Variants in ANKRD12 observed in about 807,000 individuals in gnomAD.
ANKRD12 encodes the protein ankyrin repeat domain 12.
A neutral mutation model predicts 183.4 loss-of-function variants in ANKRD12; 85 were observed. That is an observed-to-expected ratio of 0.46 (90% CI 0.39 to 0.56). ANKRD12 has a LOEUF of 0.56. ANKRD12 is among the 20% of genes least tolerant of loss of function. ANKRD12 has a pLI of 0.00. For synonymous variants in ANKRD12, 914 were observed against 800.2 expected (o/e 1.14, Z -2.40); for missense variants, 2,405 against 2,357.1 (o/e 1.02, Z -0.42).
chr18:9,216,807 T>C lies in ANKRD12; in HGVS notation c.702T>C (p.Ala234=), dbSNP rs910488104. The change falls in exon 7 of 13, where the codon GCT becomes GCC. Residue 234 remains alanine, a synonymous_variant. Coordinates refer to ENST00000262126, the MANE Select transcript of ANKRD12 (RefSeq NM_015208.5). ...GCAATGTTGGATATTACGATGTTGC[T>C]AAGATACTTATAGCAGCTGGAGCAG... is the stretch of plus-strand genomic sequence containing the variant. ...EACNVGYYDV[A]KILIAAGADV... is the part of the protein sequence containing the mutation. 6.8e-6 allele frequency: 11 copies of C among 1,613,710 alleles called. No individual in the cohort carries two copies. The highest frequency in any genetic ancestry group is 9.3e-6 in the Non-Finnish European group (11 of 1,179,724).
At chr18:9,176,969 G>A (rs1028790109) in intron 1 of ANKRD12, among the ~76,000 whole-genome samples, 2 of 152,140 alleles carry the variant, frequency 1.3e-5, no homozygotes, top group African/African-American at 4.8e-5. Context: ...GTTGCTGTTC[G>A]ATACATAGAC....
In ANKRD12 at chr18:9,247,652, TC is replaced by T. The variant is rs533356389; in HGVS notation, c.944-6558del. On this transcript the variant is annotated intron_variant, in intron 8 of 12. Transcript: ENST00000262126. The stretch of plus-strand genomic sequence containing the variant: ...GTTAATATATCTTAGTATCTTTTAA[TC>T]TATAGATATTCCCCCTCCTTTCTTT... Among the ~76,000 whole-genome samples, 25 of 152,302 alleles carry T rather than the reference TC, an allele frequency of 1.6e-4. No homozygotes were observed. The South Asian group carries it at 5.2e-3, about 32-fold the overall frequency.
chr18:9,267,954 C>T (rs1054329121), intron 10 of ANKRD12, among the ~76,000 whole-genome samples: 8 of 152,144 alleles, frequency 5.3e-5, no homozygotes, highest in African/African-American at 1.9e-4. Flanking sequence ...CCACCCATCC[C>T]ACAGAAACAC....
In ANKRD12 at chr18:9,282,865, A is replaced by T. The variant is rs2040153219; in HGVS notation, c.*1739A>T. The T allele has an allele frequency of 6.6e-6, 1 of 152,470 alleles. No individual in the cohort carries two copies. Among genetic ancestry groups the T allele is most frequent in the African/African-American group, 2.4e-5 (1 of 41,428 alleles). 9.4% of individuals were successfully genotyped at this position (152,470 alleles called of 1,614,324 possible). A position where few individuals can be genotyped will look rare whatever the true frequency, so the allele number is the denominator to read the frequency against. Reference sequence around the variant, plus strand: ...CAATAAAGCAGCACATGTAAAAAAAAAATACACAGTGCAAGGACTTTATTA... The same window carrying T: ...CAATAAAGCAGCACATGTAAAAAAATAATACACAGTGCAAGGACTTTATTA... On this transcript the variant is annotated 3_prime_UTR_variant, in exon 13 of 13. Transcript: ENST00000262126.
At chr18:9,211,330 C>CT (rs1393501330) in intron 5 of ANKRD12, among the ~76,000 whole-genome samples, 1 of 152,072 alleles carries the variant, frequency 6.6e-6, no homozygotes, top group Non-Finnish European at 1.5e-5. Context: ...GTATTTGATA[C>CT]TTTATCATTT....
At chr18:9,235,664 G>T in intron 8 of ANKRD12, 1 of 456,216 alleles carries the variant, frequency 2.2e-6, no homozygotes. Flanking sequence ...TGCAGGAAAT[G>T]CCAAGCTCAG....
At chr18:9,217,582 T>G (rs2036182771) in intron 7 of ANKRD12, among the ~76,000 whole-genome samples, 1 of 152,194 alleles carries the variant, frequency 6.6e-6, no homozygotes, top group Non-Finnish European at 1.5e-5. Context: ...ATAAGGCATT[T>G]TTCCATGTTT....
chr18:9,175,523 CTTTTTTTTTTTTTTTTT>C (rs33944736), intron 1 of ANKRD12, among the ~76,000 whole-genome samples: 2 of 53,302 alleles, frequency 3.8e-5, no homozygotes, highest in Non-Finnish European at 3.2e-5. Context: ...AAAGGCTCCT[CTTTTTTTTTTTTTTTTT>C]TTTTTTTTTT....
At chr18:9,245,463 AAAAT>A (rs2037906579) in intron 8 of ANKRD12, among the ~76,000 whole-genome samples, 1 of 152,288 alleles carries the variant, frequency 6.6e-6, no homozygotes, top group Non-Finnish European at 1.5e-5. Flanking sequence ...CTGTCTCAAA[AAAAT>A]AAAAAGACCA....
In ANKRD12 at chr18:9,255,588, G is replaced by A; in HGVS notation, c.2321G>A (p.Arg774Lys). Residue 774 changes from arginine (R) to lysine (K), a missense_variant, in exon 9 of 13, where the codon AGA (arginine) becomes AAA (lysine). Arg to Lys is a conservative substitution (Grantham distance 26). Coordinates refer to ENST00000262126, the MANE Select transcript of ANKRD12 (RefSeq NM_015208.5). ...AAAATAAAAGATCTAAAAGAAGAGA[G>A]AGAAAACATACCCACAGATAAAGAC... is the stretch of plus-strand genomic sequence containing the variant. Reference protein sequence around the residue: ...EEKIKDLKEERENIPTDKDSE... With the variant: ...EEKIKDLKEEKENIPTDKDSE... The A allele has an allele frequency of 6.4e-7, 1 of 1,568,442 alleles. No homozygotes were observed. Among genetic ancestry groups the A allele is most frequent in the Non-Finnish European group, 8.6e-7 (1 of 1,167,990 alleles).
At chr18:9,265,940 C>A (rs1195001046) in intron 10 of ANKRD12, among the ~76,000 whole-genome samples, 4 of 152,146 alleles carry the variant, frequency 2.6e-5, no homozygotes, top group Non-Finnish European at 5.9e-5. Flanking sequence ...CCTGATGGAA[C>A]TGAAAACCAA....
intron 1 of ANKRD12, among the ~76,000 whole-genome samples, chr18:9,179,402 G>A (rs531661747): frequency 1.2e-3 from 185 of 152,286 alleles, no homozygotes; most frequent in African/African-American, 4.2e-3. Flanking sequence ...CTGGTTTGCT[G>A]AGAGTTGTTT....
intron 2 of ANKRD12, among the ~76,000 whole-genome samples, chr18:9,194,433 T>C (rs977091855): frequency 1.3e-5 from 2 of 152,220 alleles, no homozygotes; most frequent in East Asian, 1.9e-4. Flanking sequence ...CTCAGCTCAC[T>C]GAAGCCCCTG....
intron 3 of ANKRD12, among the ~76,000 whole-genome samples, 183 bp from the exon 4 acceptor site, chr18:9,204,293 A>G (rs140251903): frequency 5.6e-4 from 85 of 152,358 alleles, no homozygotes; most frequent in African/African-American, 1.9e-3. Flanking sequence ...GAAAAATTTG[A>G]AATATTAGGT....
chr18:9,259,215 CTATT>C (rs2145241393), intron 9 of ANKRD12, among the ~76,000 whole-genome samples: 1 of 152,084 alleles, frequency 6.6e-6, no homozygotes, highest in South Asian at 2.1e-4. Flanking sequence ...TTTATACAAA[CTATT>C]TCAGTAAAAA....
At chr18:9,268,762 T>C in intron 10 of ANKRD12, among the ~76,000 whole-genome samples, 2 of 152,156 alleles carry the variant, frequency 1.3e-5, no homozygotes. Context: ...GTGTTGGAAG[T>C]TGTGGCCAGG....
chr18:9,200,432 A>G (rs1021816048), intron 3 of ANKRD12: 1 of 152,240 alleles, frequency 6.6e-6, no homozygotes, highest in African/African-American at 2.4e-5. Flanking sequence ...GCAACTGCTT[A>G]TCTAAAAGAT....
chr18:9,156,094 C>T (rs1029719104), intron 1 of ANKRD12, among the ~76,000 whole-genome samples: 15 of 144,674 alleles, frequency 1.0e-4, no homozygotes, highest in African/African-American at 3.6e-4. Context: ...GTCAAGATCA[C>T]GCCACTGCAC....
At chr18:9,157,605 T>TATATATATG (rs1330885636) in intron 1 of ANKRD12, among the ~76,000 whole-genome samples, 1 of 21,522 alleles carries the variant, frequency 4.6e-5, no homozygotes, top group African/African-American at 8.7e-5. Flanking sequence ...ATATATGTAT[T>TATATATATG]TTTTTTTTTT....
Sources: gnomAD v4.1 joint callset for allele counts (sites outside exome capture counted in the v4.1 genomes callset) on GRCh38, gnomAD v4.1.1 for gene constraint, MANE v1.5 for transcripts, NCBI Gene and HGNC (gene_info 2026-07-23, HGNC 2026-07-21) for gene names.